RSL24D1: variants seen among roughly 807,000 people sequenced by gnomAD.
The protein encoded by RSL24D1 is ribosomal L24 domain containing 1.
RSL24D1 carries 6 observed loss-of-function variants against 26.2 expected under a neutral mutation model. The ratio of observed to expected loss-of-function variants is 0.23; its 90% CI spans 0.13 to 0.45. The LOEUF is 0.45. RSL24D1 is among the 20% of genes least tolerant of loss of function. RSL24D1 has a pLI of 0.99. For missense variants in RSL24D1, 176 were observed against 202.6 expected, an observed-to-expected ratio of 0.87 and a Z score of 0.80; for synonymous variants, 61 against 59.1, an observed-to-expected ratio of 1.03 and a Z score of -0.15.
At chr15:55,194,180 A>G (rs1894329650) in intron 1 of RSL24D1, 1 of 152,194 alleles carries the variant, frequency 6.6e-6, no homozygotes, top group South Asian at 2.1e-4. Context: ...GGATCTACAG[A>G]GACCTGGAAC....
At chr15:55,196,653 C>T (rs1894361847) in intron 1 of RSL24D1, 157 bp downstream of exon 1, 5 of 654,816 alleles carry the variant, frequency 7.6e-6, no homozygotes, top group South Asian at 7.4e-5. Flanking sequence ...CGAAGCGGAA[C>T]GTTGAGAACG....
At chr15:55,184,996 G>A (rs540634706) in intron 4 of RSL24D1, among the ~76,000 whole-genome samples, 1 of 152,170 alleles carries the variant, frequency 6.6e-6, no homozygotes, top group Non-Finnish European at 1.5e-5. Flanking sequence ...TGCTATGGAC[G>A]TAATCAGAAT....
At chr15:55,194,479 GC>G (rs1261989393) in intron 1 of RSL24D1, 1 of 152,158 alleles carries the variant, frequency 6.6e-6, no homozygotes, top group Non-Finnish European at 1.5e-5. Flanking sequence ...GTCAGGCAAA[GC>G]TTTATGGTTT....
chr15:55,188,397 AG>A (rs1263715226), intron 3 of RSL24D1, among the ~76,000 whole-genome samples: 1 of 152,230 alleles, frequency 6.6e-6, no homozygotes, highest in Non-Finnish European at 1.5e-5. Context: ...GAATCAGTGC[AG>A]GAAAAAAGAA....
chr15:55,192,592 AAT>A, intron 2 of RSL24D1, 126 bp downstream of exon 2: 1 of 575,116 alleles, frequency 1.7e-6, no homozygotes, highest in Non-Finnish European at 3.1e-6. Context: ...TCCACAGCCA[AAT>A]ACAAATAAGG....
At chr15:55,187,745 G>C (rs757418847) in intron 3 of RSL24D1, among the ~76,000 whole-genome samples, 1 of 151,988 alleles carries the variant, frequency 6.6e-6, no homozygotes, top group African/African-American at 2.4e-5. Flanking sequence ...GACTCAGAAG[G>C]GGGAGTGGGG....
chr15:55,196,499 A>G, intron 1 of RSL24D1: 1 of 578,456 alleles, frequency 1.7e-6, no homozygotes, highest in African/African-American at 1.8e-5. Flanking sequence ...GCCCAAGTAC[A>G]TGAGTGGCCA....
At position 55,191,008 on chromosome 15, in the gene RSL24D1, T is replaced by C. The variant is rs781386911; in HGVS notation, c.235A>G (p.Ile79Val). ...TTCCATAGCTCTCGCTGGTATTTGA[T>C]AGGTTCATTTCTACGTTTTTCAAAT... Reference protein sequence around the residue: ...FEFEKRRNEPIKYQRELWNKT... With the variant: ...FEFEKRRNEPVKYQRELWNKT... The change falls in exon 3 of 6, where the codon ATC becomes GTC. Residue 79 changes from isoleucine (I) to valine (V), a missense_variant. This residue lies in a region of RSL24D1 where 89 missense variants were observed against 135.1 expected (regional missense o/e 0.66). Coordinates refer to ENST00000260443, the MANE Select transcript of RSL24D1 (RefSeq NM_016304.3). 3 of 1,604,850 alleles carry C rather than the reference T, an allele frequency of 1.9e-6. No individual in the cohort carries two copies. Among genetic ancestry groups the C allele is most frequent in the South Asian group, 2.2e-5 (2 of 89,336 alleles).
At chr15:55,183,166 G>T in intron 5 of RSL24D1, 149 bp downstream of exon 5, 1 of 584,216 alleles carries the variant, frequency 1.7e-6, no homozygotes, top group Non-Finnish European at 3.0e-6. Context: ...CTGCAATTGG[G>T]AAATACACTG....
In RSL24D1 at chr15:55,185,314, T is replaced by C. The variant is rs374762400; in HGVS notation, c.332+48A>G. On this transcript the variant is annotated intron_variant, in intron 4 of 5. Coordinates refer to ENST00000260443, the MANE Select transcript of RSL24D1 (RefSeq NM_016304.3). ...TAAAAAATACTAATGCCTCTAAATATCTACTAGTAATTATTTTCCAAAAGT... is the reference window on the plus strand; with the variant it reads ...TAAAAAATACTAATGCCTCTAAATACCTACTAGTAATTATTTTCCAAAAGT... 3 of 1,405,304 alleles carry C rather than the reference T, an allele frequency of 2.1e-6. No homozygotes were observed. In the African/African-American group the frequency reaches 4.4e-5, roughly 21 times the overall value. The allele number at this position is 1,405,304 out of a possible 1,614,324, so 87.1% of individuals were successfully genotyped here.
intron 1 of RSL24D1, 43 bp downstream of exon 1, chr15:55,196,767 G>C (rs1479494448): frequency 6.9e-6 from 11 of 1,601,270 alleles, no homozygotes; most frequent in Non-Finnish European, 8.6e-6. Flanking sequence ...CCCAGGAACC[G>C]CGGGAGCTAG....
In RSL24D1 at chr15:55,185,417, T is replaced by C; in HGVS notation, c.277A>G (p.Met93Val). ...RELWNKTIDA[M>V]KRVEEIKQKR... ...TGTTTGATTTCTTCAACTCTCTTCA[T>C]CGCATCAACTACAAAAAAATTCATG... The change falls in exon 4 of 6, where the codon ATG becomes GTG. Residue 93 changes from methionine to valine, a missense_variant. Met to Val is a conservative substitution (Grantham distance 21, BLOSUM62 1). Around this residue, in one of 3 missense-constraint regions of RSL24D1, gnomAD observed 89 missense variants for 135.1 expected, o/e 0.66. Coordinates refer to ENST00000260443, the MANE Select transcript of RSL24D1 (RefSeq NM_016304.3). The C allele has an allele frequency of 6.2e-7, 1 of 1,607,650 alleles. No homozygotes were observed. Among genetic ancestry groups the C allele is most frequent in the Admixed American group, 1.7e-5 (1 of 58,508 alleles).
At chr15:55,185,217 T>C (rs898984617) in intron 4 of RSL24D1, 145 bp downstream of exon 4, 1 of 540,934 alleles carries the variant, frequency 1.8e-6, no homozygotes, top group East Asian at 3.2e-5. Flanking sequence ...TAGCAGAATA[T>C]ACAAGAGTTC....
intron 1 of RSL24D1, among the ~76,000 whole-genome samples, chr15:55,195,858 G>C (rs1024467949): frequency 2.0e-5 from 3 of 152,184 alleles, no homozygotes; most frequent in Admixed American, 1.3e-4. Context: ...AGTCAGACTT[G>C]TAATTATTTA....
At chr15:55,183,860 G>T (rs115667597) in intron 4 of RSL24D1, among the ~76,000 whole-genome samples, 1 of 152,078 alleles carries the variant, frequency 6.6e-6, no homozygotes. Flanking sequence ...CACGAAATGG[G>T]AGCTCAATAC....
intron 1 of RSL24D1, among the ~76,000 whole-genome samples, chr15:55,194,867 T>A (rs1175111389): frequency 6.6e-6 from 1 of 150,826 alleles, no homozygotes; most frequent in African/African-American, 2.4e-5. Context: ...CTACAAAAAA[T>A]TTTTTTGATA....
intron 3 of RSL24D1, among the ~76,000 whole-genome samples, chr15:55,189,171 T>G (rs1316084150): frequency 3.8e-5 from 5 of 130,646 alleles, no homozygotes; most frequent in Admixed American, 9.0e-5. Context: ...CCAGCCCGGG[T>G]GACAGAGCAA....
chr15:55,196,320 G>T (rs1307621149), intron 1 of RSL24D1: 1 of 456,450 alleles, frequency 2.2e-6, no homozygotes, highest in African/African-American at 2.0e-5. Flanking sequence ...CCTCTATGCT[G>T]AGTCTTTCCG....
At chr15:55,196,310 C>T in intron 1 of RSL24D1, 1 of 456,330 alleles carries the variant, frequency 2.2e-6, no homozygotes. Context: ...ATAAATATCA[C>T]CTCTATGCTG....
Sources: allele counts gnomAD v4.1 joint callset (sites outside exome capture counted in the v4.1 genomes callset), GRCh38; gene constraint gnomAD v4.1.1; regional missense constraint gnomAD v4.1.1; transcripts MANE v1.5; gene names NCBI Gene and HGNC (gene_info 2026-07-23, HGNC 2026-07-21).